Variants in SHROOM3 observed in about 807,000 individuals in gnomAD.
The protein encoded by SHROOM3 is protein Shroom3.
A neutral mutation model predicts 138.6 loss-of-function variants in SHROOM3; 47 were observed. The observed-to-expected ratio is 0.34, with a 90% CI of 0.27 to 0.43. SHROOM3 has a LOEUF of 0.43. Ranked by LOEUF, SHROOM3 falls within the 20% of genes least tolerant of loss-of-function variation. The pLI is 1.00. For missense variants in SHROOM3, 2,491 were observed against 2,596.5 expected (o/e 0.96, Z 0.88); for synonymous variants, 1,062 against 1,063.3 (o/e 1.00, Z 0.02).
At chr4:76,480,707 C>T (rs921963304) in intron 1 of SHROOM3, among the ~76,000 whole-genome samples, 18 of 152,126 alleles carry the variant, frequency 1.2e-4, no homozygotes, top group African/African-American at 4.3e-4. Context: ...ATCACACTTA[C>T]TCTAAAATTA....
intron 2 of SHROOM3, among the ~76,000 whole-genome samples, chr4:76,686,663 T>A (rs1719344326): frequency 6.6e-6 from 1 of 152,148 alleles, no homozygotes. Flanking sequence ...AACTTCTCAA[T>A]ATCTATATGA....
intron 1 of SHROOM3, among the ~76,000 whole-genome samples, chr4:76,505,854 G>A (rs1452582707): frequency 6.6e-6 from 1 of 151,828 alleles, no homozygotes; most frequent in Non-Finnish European, 1.5e-5. Context: ...TGTAGAGATA[G>A]GGTCTCACTA....
intron 1 of SHROOM3, among the ~76,000 whole-genome samples, chr4:76,440,975 C>T (rs1433220435): frequency 6.6e-6 from 1 of 151,956 alleles, no homozygotes; most frequent in African/African-American, 2.4e-5. Flanking sequence ...CAAGACTTGA[C>T]TCACTGACTC....
At chr4:76,480,922 C>A (rs2109987632) in intron 1 of SHROOM3, among the ~76,000 whole-genome samples, 1 of 152,236 alleles carries the variant, frequency 6.6e-6, no homozygotes, top group South Asian at 2.1e-4. Context: ...TAATGAAGTT[C>A]TTTGAAACCA....
chr4:76,681,592 A>AGGG (rs1392313596), intron 2 of SHROOM3, among the ~76,000 whole-genome samples: 2 of 32,342 alleles, frequency 6.2e-5, no homozygotes, highest in African/African-American at 1.8e-4. Context: ...GGCAGAGTCT[A>AGGG]GGGTGTGTGT....
At chr4:76,775,484 T>C (rs1722521867) in intron 10 of SHROOM3, among the ~76,000 whole-genome samples, 1 of 152,102 alleles carries the variant, frequency 6.6e-6, no homozygotes, top group African/African-American at 2.4e-5. Context: ...GAAAACAGTA[T>C]GGAGATTCCT....
At chr4:76,674,406 C>A (rs2110099615) in intron 2 of SHROOM3, among the ~76,000 whole-genome samples, 1 of 152,138 alleles carries the variant, frequency 6.6e-6, no homozygotes, top group Admixed American at 6.5e-5. Flanking sequence ...AATCTTTAGC[C>A]ACCTCTCTGA....
chr4:76,436,328 C>A, intron 1 of SHROOM3, 108 bp downstream of exon 1: 2 of 1,148,876 alleles, frequency 1.7e-6, no homozygotes, highest in Non-Finnish European at 2.5e-6. Flanking sequence ...ACTTAATTTG[C>A]TGTTTCATGC....
intron 1 of SHROOM3, among the ~76,000 whole-genome samples, chr4:76,513,331 T>G (rs956275895): frequency 1.6e-4 from 12 of 74,598 alleles, no homozygotes; most frequent in Non-Finnish European, 2.4e-5. Context: ...AAATAATATG[T>G]TTTTTTTTTT....
intron 1 of SHROOM3, among the ~76,000 whole-genome samples, chr4:76,478,787 G>T (rs568787484): frequency 1.3e-5 from 2 of 152,304 alleles, no homozygotes; most frequent in Non-Finnish European, 2.9e-5. Context: ...GAAGGAACAG[G>T]CAGCAATATT....
Position 76,650,984 on chromosome 4 carries a change from A to C in SHROOM3, c.324-59172A>C, listed in dbSNP as rs1735943408. On this transcript the variant is annotated intron_variant, in intron 2 of 10. Transcript: ENST00000296043. ...AATAGAACCAGTCATTTGCAACAACATGGATGGAACTGGAGATCACTATGT... is the reference window on the plus strand; with the variant it reads ...AATAGAACCAGTCATTTGCAACAACCTGGATGGAACTGGAGATCACTATGT... 2.0e-5 allele frequency among the ~76,000 whole-genome samples: 3 copies of C among 152,206 alleles called. No homozygotes were observed. The South Asian group carries it at 6.2e-4, about 31-fold the overall frequency.
chr4:76,481,142 C>T (rs996042181), intron 1 of SHROOM3, among the ~76,000 whole-genome samples: 1 of 152,010 alleles, frequency 6.6e-6, no homozygotes, highest in Admixed American at 6.6e-5. Flanking sequence ...CATAGCAGAA[C>T]TGAAGGAGAT....
chr4:76,567,712 G>A (rs1331412725), intron 2 of SHROOM3, among the ~76,000 whole-genome samples: 1 of 152,130 alleles, frequency 6.6e-6, no homozygotes, highest in Non-Finnish European at 1.5e-5. Flanking sequence ...GTCTCTTAGG[G>A]ATGAGCCACT....
intron 2 of SHROOM3, among the ~76,000 whole-genome samples, chr4:76,568,493 C>T (rs1733773049): frequency 6.6e-6 from 1 of 152,184 alleles, no homozygotes; most frequent in Non-Finnish European, 1.5e-5. Context: ...ACTGACCACA[C>T]TTTTCTCCTG....
intron 2 of SHROOM3, among the ~76,000 whole-genome samples, chr4:76,649,305 C>T (rs137881098): frequency 7.4e-4 from 112 of 152,254 alleles, no homozygotes; most frequent in Non-Finnish European, 1.1e-3. Flanking sequence ...GAAATTGAAA[C>T]TTCTATTAAA....
At chr4:76,518,357 G>A (rs1293012059) in intron 1 of SHROOM3, among the ~76,000 whole-genome samples, 4 of 152,100 alleles carry the variant, frequency 2.6e-5, no homozygotes, top group African/African-American at 9.7e-5. Flanking sequence ...ATAAATCTTT[G>A]TTGTGGTTGA....
At chr4:76,758,369 A>G (rs969395450) in intron 8 of SHROOM3, 3 of 151,780 alleles carry the variant, frequency 2.0e-5, no homozygotes, top group Admixed American at 1.3e-4. Context: ...ATTTCCTAGC[A>G]TTACCACTGG....
At chr4:76,553,910 C>T (rs1733422078) in intron 1 of SHROOM3, among the ~76,000 whole-genome samples, 1 of 152,238 alleles carries the variant, frequency 6.6e-6, no homozygotes, top group Non-Finnish European at 1.5e-5. Context: ...CCCCCACTAT[C>T]AAAATCCTGC....
At chr4:76,589,715 C>T (rs1002415348) in intron 2 of SHROOM3, among the ~76,000 whole-genome samples, 1 of 152,218 alleles carries the variant, frequency 6.6e-6, no homozygotes, top group African/African-American at 2.4e-5. Context: ...CATCAGCCCT[C>T]CAGGGGCGGG....
Sources: allele counts gnomAD v4.1 joint callset (sites outside exome capture counted in the v4.1 genomes callset), GRCh38; gene constraint gnomAD v4.1.1; transcripts MANE v1.5; gene names NCBI Gene and HGNC (gene_info 2026-07-23, HGNC 2026-07-21).